The following CABP5 variants were observed in gnomAD, a reference collection of about 807,000 sequenced individuals.
CABP5 encodes calcium-binding protein 5.
In CABP5, 17 loss-of-function variants were observed where a neutral mutation model predicts 21.9. That is an observed-to-expected ratio of 0.78 (90% confidence interval 0.53 to 1.17). The LOEUF (loss-of-function observed/expected upper bound fraction) is 1.17, where lower values mean the gene tolerates loss of function less well. Among genes scored for constraint, CABP5 ranks in the 50% most tolerant of loss-of-function variants. The pLI is 0.00. For synonymous variants in CABP5, 85 were observed against 79.4 expected (o/e 1.07, Z -0.37); for missense variants, 229 against 228.9 (o/e 1.00, Z 0.00).
rs1225302468 is a variant in CABP5, at chr19:48,039,188, C to T, written c.348+20G>A. On this transcript the variant is annotated intron_variant, in intron 4 of 5. Coordinates refer to ENST00000293255, the MANE Select transcript of CABP5 (RefSeq NM_019855.5). Reference sequence around the variant, plus strand: ...GGGTCTGCCTCTACCATCACCAGCACCATGACACTGTTAACTCACCTCCTT... The same window carrying T: ...GGGTCTGCCTCTACCATCACCAGCATCATGACACTGTTAACTCACCTCCTT... 1.9e-6 allele frequency: 3 copies of T among 1,585,960 alleles called. No individual in the cohort carries two copies. The African/African-American group carries it at 4.0e-5, about 21-fold the overall frequency.
intron 5 of CABP5, among the ~76,000 whole-genome samples, chr19:48,033,738 T>C (rs1010462208): frequency 9.8e-5 from 15 of 152,316 alleles, no homozygotes; most frequent in African/African-American, 3.4e-4. Context: ...GGTGTCATCA[T>C]CCACCTCATT....
chr19:48,032,366 G>A (rs1168989170), intron 5 of CABP5, among the ~76,000 whole-genome samples: 2 of 145,940 alleles, frequency 1.4e-5, no homozygotes, highest in South Asian at 2.1e-4. Flanking sequence ...ACGGAGTCTC[G>A]CTCTGTCACC....
intron 4 of CABP5, 54 bp downstream of exon 4, chr19:48,039,154 G>T: frequency 7.0e-7 from 1 of 1,419,192 alleles, no homozygotes; most frequent in South Asian, 1.1e-5. Flanking sequence ...ATTACAGGCA[G>T]ACCTCAGAGG....
chr19:48,042,216 G>A (rs545946105), intron 1 of CABP5, among the ~76,000 whole-genome samples: 4 of 152,276 alleles, frequency 2.6e-5, no homozygotes, highest in Non-Finnish European at 5.9e-5. Context: ...TGACTCCCAA[G>A]TCAGAATTCT....
chr19:48,031,142 A>G (rs529655058), intron 5 of CABP5, among the ~76,000 whole-genome samples: 17 of 152,262 alleles, frequency 1.1e-4, no homozygotes, highest in South Asian at 6.2e-4. Context: ...TGTAAATAAA[A>G]CATTAAATTT....
At chr19:48,030,619 C>G in intron 5 of CABP5, 37 bp from the exon 6 acceptor site, 2 of 1,606,766 alleles carry the variant, frequency 1.2e-6, no homozygotes, top group Non-Finnish European at 8.5e-7. Flanking sequence ...TAAGGCATCT[C>G]GTTGTAAAAG....
chr19:48,034,641 A>G (rs11881249), intron 4 of CABP5, among the ~76,000 whole-genome samples: 45,678 of 148,038 alleles, frequency 0.31, 7,813 homozygotes, highest in Non-Finnish European at 0.39. Context: ...CACCTCCTGG[A>G]TTCAAGCGAT....
At chr19:48,040,540 T>A in intron 3 of CABP5, 65 bp downstream of exon 3, 1 of 1,571,790 alleles carries the variant, frequency 6.4e-7, no homozygotes, top group Non-Finnish European at 8.7e-7. Flanking sequence ...AACCTCTACA[T>A]CCTTCCCAAT....
At chr19:48,042,506 C>A (rs1057419307) in intron 1 of CABP5, among the ~76,000 whole-genome samples, 1 of 152,042 alleles carries the variant, frequency 6.6e-6, no homozygotes, top group South Asian at 2.1e-4. Context: ...ATCCCTGGAG[C>A]CTTTCCCTCA....
At chr19:48,037,258 G>GTTTTTTTTTT (rs1415624974) in intron 4 of CABP5, among the ~76,000 whole-genome samples, 10 of 25,772 alleles carry the variant, frequency 3.9e-4, no homozygotes, top group Admixed American at 2.2e-3. Context: ...ATACTATTCA[G>GTTTTTTTTTT]CTTTTTTTTT....
chr19:48,034,131 C>G (rs527958385), intron 5 of CABP5, 84 bp downstream of exon 5: 41 of 1,380,492 alleles, frequency 3.0e-5, no homozygotes, highest in Non-Finnish European at 3.6e-5. Flanking sequence ...GAAGGAGTGG[C>G]CAACTTGGAA....
intron 4 of CABP5, among the ~76,000 whole-genome samples, chr19:48,037,259 C>CTTTTTGTTTTTTTTTTTT (rs1967420371): frequency 2.2e-5 from 1 of 44,958 alleles, no homozygotes; most frequent in African/African-American, 7.3e-5. Flanking sequence ...TACTATTCAG[C>CTTTTTGTTTTTTTTTTTT]TTTTTTTTTT....
At chr19:48,030,673 G>T in intron 5 of CABP5, 91 bp from the exon 6 acceptor site, 1 of 1,220,764 alleles carries the variant, frequency 8.2e-7, no homozygotes. Context: ...GGCAGGCACT[G>T]CTGGTGATCC....
chr19:48,043,821 GC>G (rs752700832), intron 1 of CABP5, 38 bp downstream of exon 1: 5 of 1,457,908 alleles, frequency 3.4e-6, no homozygotes, highest in Admixed American at 2.8e-5. Context: ...TGCTCCCTTT[GC>G]CCCGCCCACC....
intron 1 of CABP5, among the ~76,000 whole-genome samples, chr19:48,042,821 C>T (rs1967499344): frequency 6.6e-6 from 1 of 152,220 alleles, no homozygotes; most frequent in Non-Finnish European, 1.5e-5. Flanking sequence ...GATCCACCTG[C>T]TTTGGCCTCC....
At chr19:48,037,285 T>TTTTTTTTTTG (rs1967422079) in intron 4 of CABP5, among the ~76,000 whole-genome samples, 3 of 131,576 alleles carry the variant, frequency 2.3e-5, no homozygotes, top group Non-Finnish European at 4.7e-5. Context: ...TTTTTTTTTT[T>TTTTTTTTTTG]GAGGTGGAGT....
At chr19:48,040,867 A>G (rs1967472540) in intron 2 of CABP5, 119 bp from the exon 3 acceptor site, 1 of 735,442 alleles carries the variant, frequency 1.4e-6, no homozygotes, top group African/African-American at 2.0e-5. Flanking sequence ...TACATTAGAA[A>G]CAAAACAAAA....
chr19:48,030,847 G>A lies in CABP5; in HGVS notation c.497-265C>T, dbSNP rs527714345. ...AGGTTGAGATAAAATTGGCTTACAG[G>A]CTGGGCTCGGTGGCTCACGCCTGTA... On this transcript the variant is annotated intron_variant, in intron 5 of 5. Transcript: ENST00000293255. Among the ~76,000 whole-genome samples the A allele has an allele frequency of 3.0e-3, 460 of 152,238 alleles. 1 individual carries two copies. Among genetic ancestry groups the A allele is most frequent in the African/African-American group, 0.011 (446 of 41,528 alleles).
chr19:48,037,209 A>G (rs1263281403), intron 4 of CABP5, among the ~76,000 whole-genome samples: 1 of 150,072 alleles, frequency 6.7e-6, no homozygotes, highest in East Asian at 1.9e-4. Context: ...TCAAAACAGA[A>G]GAGTGGATAA....
Sources: allele counts gnomAD v4.1 joint callset (sites outside exome capture counted in the v4.1 genomes callset), GRCh38; gene constraint gnomAD v4.1.1; transcripts MANE v1.5; gene names NCBI Gene and HGNC (gene_info 2026-07-23, HGNC 2026-07-21).